The following ZNF208 variants were observed in gnomAD, a reference collection of about 807,000 sequenced individuals.
ZNF208 encodes the protein zinc finger protein 208.
ZNF208 carries 10 observed loss-of-function variants against 12.1 expected under a neutral mutation model. That is an observed-to-expected ratio of 0.83 (90% CI 0.51 to 1.40). The LOEUF is 1.40. Ranked by LOEUF, ZNF208 falls within the 40% of genes most tolerant of loss-of-function variation. The pLI is 0.00. For synonymous variants in ZNF208, 497 were observed against 488.4 expected (o/e 1.02, Z -0.23); for missense variants, 1,652 against 1,485.0 (o/e 1.11, Z -1.85).
rs61265777 is a variant in ZNF208, at chr19:21,968,835, T to C, written c.*2356A>G. Among the ~76,000 whole-genome samples, 7,914 of 152,152 alleles carry C rather than the reference T, an allele frequency of 0.052. 693 individuals are homozygous for C. Among genetic ancestry groups the C allele is most frequent in the African/African-American group, 0.18 (7,485 of 41,470 alleles). ...CAGGGCTTTTTATGGTTAGTAGGTT[T>C]ATTATTACTTATACAATGTCATTAT... is the stretch of plus-strand genomic sequence containing the variant. On this transcript the variant is annotated 3_prime_UTR_variant, in exon 4 of 4. Transcript: ENST00000397126.
intron 1 of ZNF208, among the ~76,000 whole-genome samples, chr19:22,006,547 G>A (rs1315703101): frequency 2.6e-5 from 4 of 152,050 alleles, no homozygotes; most frequent in Non-Finnish European, 5.9e-5. Context: ...TGCCTGTGGG[G>A]CCCCAGCTTT....
intron 3 of ZNF208, among the ~76,000 whole-genome samples, chr19:21,981,759 A>G (rs1287669952): frequency 1.3e-5 from 2 of 152,196 alleles, no homozygotes; most frequent in Admixed American, 6.5e-5. Context: ...GGAAAAGAGG[A>G]AATCAAATTG....
In ZNF208 at chr19:21,971,203, T is replaced by G. The variant is rs1970273462; in HGVS notation, c.3831A>C (p.Gly1277=). Reference sequence around the variant, plus strand: ...ATTCTTCACATTTCTAGAGTTTCTCTCCAGTATGAATTTTCTTATGTTTAC... The same window carrying G: ...ATTCTTCACATTTCTAGAGTTTCTCGCCAGTATGAATTTTCTTATGTTTAC... ...VFSKHKKIHT[G]EKL The change falls in exon 4 of 4, where the codon GGA becomes GGC. Residue 1277 remains glycine, a synonymous_variant. Coordinates refer to ENST00000397126, the MANE Select transcript of ZNF208 (RefSeq NM_007153.3). The G allele has an allele frequency of 3.7e-6, 6 of 1,612,200 alleles. No homozygotes were observed. The Admixed American group carries it at 5.0e-5, about 13-fold the overall frequency.
At chr19:22,003,020 A>G (rs1348903775) in intron 1 of ZNF208, among the ~76,000 whole-genome samples, 1 of 152,134 alleles carries the variant, frequency 6.6e-6, no homozygotes, top group African/African-American at 2.4e-5. Context: ...AATGCAACAG[A>G]ATAGGGAGCC....
intron 4 of ZNF208, among the ~76,000 whole-genome samples, chr19:21,955,885 T>A (rs879939019): frequency 7.9e-5 from 12 of 152,256 alleles, no homozygotes; most frequent in Non-Finnish European, 1.6e-4. Flanking sequence ...GGTGAGGAAC[T>A]GCATTCCTTT....
At position 21,966,753 on chromosome 19, in the gene ZNF208, A is replaced by G. The variant is rs1466454363; in HGVS notation, c.*4438T>C. ...TGTAGAAAGATTTCCTTATCTCTAC[A>G]ACTTCAACATCTTATTTATCTTACT... On this transcript the variant is annotated 3_prime_UTR_variant, in exon 4 of 4. Transcript: ENST00000397126. The G allele has an allele frequency of 6.6e-6, 1 of 152,160 alleles. No individual in the cohort carries two copies. The highest frequency in any genetic ancestry group is 2.4e-5 in the African/African-American group (1 of 41,452). The allele number at this position is 152,160 out of a possible 1,614,324, so 9.4% of individuals were successfully genotyped here. A position where few individuals can be genotyped will look rare whatever the true frequency, so the allele number is the denominator to read the frequency against.
At chr19:21,984,754 T>TAG (rs1179154083) in intron 3 of ZNF208, among the ~76,000 whole-genome samples, 2 of 152,134 alleles carry the variant, frequency 1.3e-5, no homozygotes, top group Non-Finnish European at 2.9e-5. Context: ...TAAAAGTATA[T>TAG]AGAATCTCAA....
rs1970348988 is a variant in ZNF208, at chr19:21,973,321, A to G, written c.1713T>C (p.His571=). ...GTTTCTCTACAGTATGAATTTTCTT[A>G]TGATAACTAAGGGTTGAGGACCACT... ...AYKWSSTLSY[H]KKIHTVEKPY... Residue 571 remains histidine (H), a synonymous_variant, in exon 4 of 4, where the codon CAT becomes CAC. Transcript: ENST00000397126. 2.5e-6 allele frequency: 4 copies of G among 1,609,954 alleles called. No homozygotes were observed. The highest frequency in any genetic ancestry group is 2.5e-6 in the Non-Finnish European group (3 of 1,178,442).
At chr19:21,964,074 T>C (rs1169227501), downstream of ZNF208, among the ~76,000 whole-genome samples, 5 of 151,938 alleles carry the variant, frequency 3.3e-5, no homozygotes, top group Non-Finnish European at 5.9e-5. Flanking sequence ...TTTATACATA[T>C]ACTAAAACAT....
chr19:21,995,035 T>G (rs893381364), intron 1 of ZNF208, among the ~76,000 whole-genome samples: 2 of 150,344 alleles, frequency 1.3e-5, no homozygotes, highest in African/African-American at 4.9e-5. Flanking sequence ...CACTGCAGCC[T>G]CCTCCTCCCA....
rs533738433 is a variant in ZNF208 at position 21,981,792 on chromosome 19, T to C, written c.226+5424A>G. Reference sequence around the variant, plus strand: ...TTGTCTCTATTTGCAGATGACATGATTGTATATTTAGAAAACCCCACTGTC... The same window carrying C: ...TTGTCTCTATTTGCAGATGACATGACTGTATATTTAGAAAACCCCACTGTC... On this transcript the variant is annotated intron_variant, in intron 3 of 3. Coordinates refer to ENST00000397126, the MANE Select transcript of ZNF208 (RefSeq NM_007153.3). Among the ~76,000 whole-genome samples the C allele has an allele frequency of 8.6e-4, 131 of 152,266 alleles. 1 individual carries two copies. Among genetic ancestry groups the C allele is most frequent in the South Asian group, 7.9e-3 (38 of 4,826 alleles).
chr19:22,010,748 C>T (rs374825376), intron 1 of ZNF208, 44 bp downstream of exon 1: 6 of 1,614,178 alleles, frequency 3.7e-6, no homozygotes, highest in Middle Eastern at 1.6e-4. Flanking sequence ...CGGTTCCAAG[C>T]AGCCCGGGCC....
Position 21,968,516 on chromosome 19 carries a change from C to G in ZNF208, c.*2675G>C, listed in dbSNP as rs1040879378. 2 of 151,922 alleles carry G rather than the reference C, an allele frequency of 1.3e-5. No individual in the cohort carries two copies. Among genetic ancestry groups the G allele is most frequent in the Admixed American group, 1.3e-4 (2 of 15,234 alleles). 9.4% of individuals were successfully genotyped at this position (151,922 alleles called of 1,614,324 possible). ...TTATTGACTTCCATATCATGAAACACCTTCATATATATGGAAAAGCTCACA... is the reference window on the plus strand; with the variant it reads ...TTATTGACTTCCATATCATGAAACAGCTTCATATATATGGAAAAGCTCACA... On this transcript the variant is annotated 3_prime_UTR_variant, in exon 4 of 4. Coordinates refer to ENST00000397126, the MANE Select transcript of ZNF208 (RefSeq NM_007153.3).
chr19:21,985,304 T>A (rs1970614472), intron 3 of ZNF208, among the ~76,000 whole-genome samples: 1 of 152,170 alleles, frequency 6.6e-6, no homozygotes, highest in Non-Finnish European at 1.5e-5. Context: ...GAACCAGGCA[T>A]CATGGTTAAC....
chr19:22,008,527 T>C (rs1971089582), intron 1 of ZNF208, among the ~76,000 whole-genome samples: 1 of 150,812 alleles, frequency 6.6e-6, no homozygotes, highest in Admixed American at 6.6e-5. Context: ...ACTTTGCAAG[T>C]TCTTGCACCA....
At chr19:21,965,101 A>G (rs2145533997), downstream of ZNF208, among the ~76,000 whole-genome samples, 1 of 152,142 alleles carries the variant, frequency 6.6e-6, no homozygotes, top group African/African-American at 2.4e-5. Context: ...AAATCAAATG[A>G]GGCAATTTTG....
chr19:21,942,141 C>T (rs1969751688), intron 4 of ZNF208, among the ~76,000 whole-genome samples: 3 of 152,082 alleles, frequency 2.0e-5, no homozygotes. Context: ...TGAATACAGG[C>T]ATTCAATTAA....
chr19:21,974,637 G>A lies in ZNF208; in HGVS notation c.397C>T (p.Leu133Phe), dbSNP rs1970392238. The A allele has an allele frequency of 1.2e-6, 2 of 1,613,670 alleles. No homozygotes were observed. The highest frequency in any genetic ancestry group is 1.7e-6 in the Non-Finnish European group (2 of 1,179,746). Residue 133 changes from leucine to phenylalanine, a missense_variant, in exon 4 of 4, where the codon CTT becomes TTT. Coordinates refer to ENST00000397126, the MANE Select transcript of ZNF208 (RefSeq NM_007153.3). Reference sequence around the variant, plus strand: ...TGTGTAGTTGTCAAACTCTGGTTAAGTTTATTATAACCTTCTTTGTGCACC... The same window carrying A: ...TGTGTAGTTGTCAAACTCTGGTTAAATTTATTATAACCTTCTTTGTGCACC... ...CKVHKEGYNK[L>F]NQSLTTTQSK...
intron 1 of ZNF208, 129 bp downstream of exon 1, chr19:22,010,663 G>C: frequency 7.0e-7 from 1 of 1,434,202 alleles, no homozygotes; most frequent in Admixed American, 1.8e-5. Context: ...CTGAGGTCGA[G>C]CTAGGCAAGA....
Sources: allele counts gnomAD v4.1 joint callset (sites outside exome capture counted in the v4.1 genomes callset), GRCh38; gene constraint gnomAD v4.1.1; transcripts MANE v1.5; gene names NCBI Gene and HGNC (gene_info 2026-07-23, HGNC 2026-07-21).